Variants in GNPAT observed in about 807,000 individuals in gnomAD.
GNPAT encodes dihydroxyacetone phosphate acyltransferase.
Under a neutral mutation model 78.4 loss-of-function variants are expected in GNPAT, and 30 were observed. The observed-to-expected ratio is 0.38, with a 90% CI of 0.29 to 0.52. GNPAT has a LOEUF of 0.52. GNPAT is among the 20% of genes least tolerant of loss of function. GNPAT has a pLI of 0.84. For synonymous variants in GNPAT, 271 were observed against 281.1 expected (o/e 0.96, Z 0.36); for missense variants, 714 against 812.2 (o/e 0.88, Z 1.47).
intron 4 of GNPAT, among the ~76,000 whole-genome samples, chr1:231,264,250 T>C (rs913344493): frequency 6.6e-6 from 1 of 152,192 alleles, no homozygotes; most frequent in African/African-American, 2.4e-5. Flanking sequence ...AGATCTTTGG[T>C]TTTTTGAGTT....
rs775495250 is a variant in GNPAT at position 231,270,983 on chromosome 1, C to T, written c.1505C>T (p.Thr502Ile). Residue 502 changes from threonine to isoleucine, a missense_variant, in exon 10 of 16, where the codon ACA (threonine) becomes ATA (isoleucine). Transcript: ENST00000366647. ...TTAGTAGCAGTAGCATTGCAGATGA[C>T]ACCAGGGTTCAGGAAAGGTAATTTT... ...PSLVAVALQM[T>I]PGFRKEDVYS... is the part of the protein sequence containing the mutation. 21 of 1,613,954 alleles carry T rather than the reference C, an allele frequency of 1.3e-5. No homozygotes were observed. In the South Asian group the frequency reaches 2.0e-4, roughly 15 times the overall value.
At chr1:231,242,250 A>C (rs1287932236) in intron 1 of GNPAT, among the ~76,000 whole-genome samples, 4 of 152,190 alleles carry the variant, frequency 2.6e-5, no homozygotes, top group African/African-American at 4.8e-5. Flanking sequence ...TAACCACTAA[A>C]TTAGTTTTTA....
intron 9 of GNPAT, among the ~76,000 whole-genome samples, chr1:231,268,667 G>T (rs930214470): frequency 3.3e-5 from 5 of 151,948 alleles, no homozygotes; most frequent in Non-Finnish European, 7.4e-5. Context: ...CAGCACTTTG[G>T]GAGGCTGAGG....
intron 1 of GNPAT, among the ~76,000 whole-genome samples, chr1:231,249,829 T>A (rs1684842934): frequency 6.6e-6 from 1 of 152,212 alleles, no homozygotes; most frequent in Non-Finnish European, 1.5e-5. Flanking sequence ...TACTACTACT[T>A]TTGTAATCAG....
chr1:231,244,707 T>G (rs534221208), intron 1 of GNPAT, among the ~76,000 whole-genome samples: 13 of 152,216 alleles, frequency 8.5e-5, no homozygotes, highest in Non-Finnish European at 1.8e-4. Flanking sequence ...AGAAATATGG[T>G]GCCAGAGCAA....
At chr1:231,274,462 T>C (rs1244807462) in intron 12 of GNPAT, among the ~76,000 whole-genome samples, 5 of 152,210 alleles carry the variant, frequency 3.3e-5, no homozygotes, top group Non-Finnish European at 5.9e-5. Context: ...TAAAGTCAGT[T>C]ACAGATTACC....
In GNPAT at chr1:231,276,166, C is replaced by T; in HGVS notation, c.1969C>T (p.Pro657Ser). 1 of 1,423,178 alleles carries T rather than the reference C, an allele frequency of 7.0e-7. No individual in the cohort carries two copies. Among genetic ancestry groups the T allele is most frequent in the South Asian group, 1.2e-5 (1 of 86,790 alleles). 88.2% of individuals were successfully genotyped at this position (1,423,178 alleles called of 1,614,324 possible). ...NNNCIFNVNE[P>S]ATTKLEEMLG... The stretch of plus-strand genomic sequence containing the variant: ...TAACTGTATATTTAATGTGAATGAA[C>T]CTGCCACAACCAAATTAGAAGAAAT... Residue 657 changes from proline (P) to serine (S), a missense_variant, in exon 15 of 16, where the codon CCT becomes TCT. Transcript: ENST00000366647.
At chr1:231,241,550 C>A in intron 1 of GNPAT, 94 bp downstream of exon 1, 1 of 959,452 alleles carries the variant, frequency 1.0e-6, no homozygotes, top group Non-Finnish European at 1.7e-6. Flanking sequence ...CACCCTTGCC[C>A]AAAAGAGCTG....
intron 2 of GNPAT, among the ~76,000 whole-genome samples, chr1:231,258,482 C>A (rs984839167): frequency 2.0e-5 from 3 of 152,116 alleles, no homozygotes; most frequent in Non-Finnish European, 4.4e-5. Context: ...GCATCTGCTC[C>A]CTTTCCTCTA....
intron 15 of GNPAT, among the ~76,000 whole-genome samples, 186 bp from the exon 16 acceptor site, chr1:231,277,313 G>A (rs1199426596): frequency 2.0e-5 from 3 of 152,198 alleles, no homozygotes; most frequent in African/African-American, 7.2e-5. Flanking sequence ...TGGCCATGCT[G>A]TCACCTCTTG....
chr1:231,273,983 A>T lies in GNPAT; in HGVS notation c.1664A>T (p.Asp555Val). ...KSEAIQVTTK[D>V]ILVTEKGNTV... The stretch of plus-strand genomic sequence containing the variant: ...GAAGCCATACAAGTGACTACGAAAG[A>T]CATCCTAGTTACAGAGAAAGGAAAT... Residue 555 changes from aspartate to valine, a missense_variant, in exon 12 of 16, where the codon GAC becomes GTC. By Grantham distance (152) the Asp-to-Val change is radical. Transcript: ENST00000366647. 3 of 1,608,904 alleles carry T rather than the reference A, an allele frequency of 1.9e-6. No homozygotes were observed. The highest frequency in any genetic ancestry group is 2.6e-6 in the Non-Finnish European group (3 of 1,175,146).
intron 2 of GNPAT, among the ~76,000 whole-genome samples, chr1:231,257,705 G>A (rs1265661701): frequency 3.9e-5 from 6 of 151,986 alleles, no homozygotes; most frequent in Non-Finnish European, 7.4e-5. Flanking sequence ...TCCATCTATA[G>A]CTTGGTGGTA....
intron 9 of GNPAT, among the ~76,000 whole-genome samples, chr1:231,268,609 CA>C (rs376264408): frequency 3.2e-3 from 349 of 108,604 alleles, no homozygotes; most frequent in South Asian, 7.8e-3. Context: ...ACCCCATCTC[CA>C]AAAAAAAAAA....
chr1:231,273,336 C>G (rs567983185), intron 11 of GNPAT, among the ~76,000 whole-genome samples: 15 of 148,886 alleles, frequency 1.0e-4, no homozygotes, highest in African/African-American at 3.7e-4. Context: ...ACTGCAAGCT[C>G]TGCCTCCCGG....
intron 9 of GNPAT, among the ~76,000 whole-genome samples, chr1:231,268,220 A>T (rs525427): frequency 1.3e-5 from 2 of 151,660 alleles, no homozygotes; most frequent in Non-Finnish European, 2.9e-5. Context: ...GGAGAATGGC[A>T]TGAACCCAGG....
chr1:231,275,228 G>A lies in GNPAT; in HGVS notation c.1751G>A (p.Cys584Tyr), dbSNP rs772452052. Residue 584 changes from cysteine to tyrosine, a missense_variant, in exon 13 of 16, where the codon TGC becomes TAC. Coordinates refer to ENST00000366647, the MANE Select transcript of GNPAT (RefSeq NM_014236.4). ...KPFVESYQII[C>Y]KYLLSEEEDH... ...CCTTCCTCTTAAAATCAGATAATTTGCAAGTACCTTTTGAGTGAAGAAGAG... is the reference window on the plus strand; with the variant it reads ...CCTTCCTCTTAAAATCAGATAATTTACAAGTACCTTTTGAGTGAAGAAGAG... 27 of 1,592,722 alleles carry A rather than the reference G, an allele frequency of 1.7e-5. No homozygotes were observed. The highest frequency in any genetic ancestry group is 2.6e-6 in the Non-Finnish European group (3 of 1,160,606).
chr1:231,241,276 T>C lies in GNPAT; in HGVS notation c.-103T>C, dbSNP rs530924907. The C allele has an allele frequency of 2.9e-6, 4 of 1,402,394 alleles. No individual in the cohort carries two copies. Among genetic ancestry groups the C allele is most frequent in the Non-Finnish European group, 4.1e-6 (4 of 987,482 alleles). The allele number at this position is 1,402,394 out of a possible 1,614,324, so 86.9% of individuals were successfully genotyped here. Reference sequence around the variant, plus strand: ...GCGGCTGCAGAGGGTGCCGCCGCCCTAGGCGAAGTAGGGCCGTCCTGAGCG... The same window carrying C: ...GCGGCTGCAGAGGGTGCCGCCGCCCCAGGCGAAGTAGGGCCGTCCTGAGCG... On this transcript the variant is annotated 5_prime_UTR_variant, in exon 1 of 16. Transcript: ENST00000366647.
intron 4 of GNPAT, 116 bp from the exon 5 acceptor site, chr1:231,265,177 G>A (rs1685340326): frequency 1.4e-5 from 12 of 835,574 alleles, no homozygotes; most frequent in Non-Finnish European, 2.1e-5. Context: ...AACATAGCGA[G>A]ACCCTGTCTC....
At chr1:231,252,956 G>T (rs1189741504) in intron 2 of GNPAT, among the ~76,000 whole-genome samples, 2 of 151,874 alleles carry the variant, frequency 1.3e-5, no homozygotes, top group African/African-American at 2.4e-5. Flanking sequence ...GTTACCTCCA[G>T]TTTTTTTGTT....
Sources: gnomAD v4.1 joint callset for allele counts (sites outside exome capture counted in the v4.1 genomes callset) on GRCh38, gnomAD v4.1.1 for gene constraint, MANE v1.5 for transcripts, NCBI Gene and HGNC (gene_info 2026-07-23, HGNC 2026-07-21) for gene names.